TMPRSS11D: variants seen among roughly 807,000 people sequenced by gnomAD.
The protein encoded by TMPRSS11D is transmembrane protease serine 11D.
A neutral mutation model predicts 44.4 loss-of-function variants in TMPRSS11D; 32 were observed. That is an observed-to-expected ratio of 0.72 (90% confidence interval 0.54 to 0.97). The LOEUF is 0.97. Ranked by LOEUF, TMPRSS11D falls within the 50% of genes least tolerant of loss-of-function variation. TMPRSS11D has a pLI of 0.00. For missense variants in TMPRSS11D, 446 were observed against 502.6 expected (o/e 0.89, Z 1.08); for synonymous variants, 179 against 177.9 (o/e 1.01, Z -0.05).
At chr4:67,842,093 G>A (rs1718244896) in intron 4 of TMPRSS11D, among the ~76,000 whole-genome samples, 1 of 152,104 alleles carries the variant, frequency 6.6e-6, no homozygotes, top group Non-Finnish European at 1.5e-5. Flanking sequence ...TGATAGACAT[G>A]CCTTGGATTT....
intron 7 of TMPRSS11D, among the ~76,000 whole-genome samples, chr4:67,832,837 A>T (rs1313854161): frequency 6.6e-6 from 1 of 151,942 alleles, no homozygotes; most frequent in East Asian, 1.9e-4. Context: ...ACATTAGTGT[A>T]CTCAATGCTA....
At chr4:67,862,197 G>A (rs1203550165) in intron 1 of TMPRSS11D, among the ~76,000 whole-genome samples, 1 of 152,040 alleles carries the variant, frequency 6.6e-6, no homozygotes, top group Non-Finnish European at 1.5e-5. Context: ...AAGCCTATCT[G>A]CCAGGCATTG....
intron 5 of TMPRSS11D, among the ~76,000 whole-genome samples, chr4:67,836,342 A>G (rs898250077): frequency 2.6e-5 from 4 of 152,110 alleles, no homozygotes; most frequent in South Asian, 4.1e-4. Flanking sequence ...CTTGATTGAA[A>G]TTTTTAATTG....
At chr4:67,849,233 G>T (rs1285279943) in intron 3 of TMPRSS11D, among the ~76,000 whole-genome samples, 1 of 152,192 alleles carries the variant, frequency 6.6e-6, no homozygotes, top group Admixed American at 6.5e-5. Flanking sequence ...TTGGTGGAAA[G>T]CTAGGATGGT....
chr4:67,856,496 A>C (rs1394936529), intron 2 of TMPRSS11D, among the ~76,000 whole-genome samples: 1 of 152,192 alleles, frequency 6.6e-6, no homozygotes, highest in Non-Finnish European at 1.5e-5. Context: ...TGTATTAAAG[A>C]CTTAAATGTA....
chr4:67,841,399 C>G (rs911141079), intron 4 of TMPRSS11D, among the ~76,000 whole-genome samples: 7 of 152,108 alleles, frequency 4.6e-5, no homozygotes, highest in Non-Finnish European at 1.0e-4. Flanking sequence ...CCATGCAAAC[C>G]AAGGGATAGT....
At chr4:67,878,601 CAATGAATG>C (rs534436150) in intron 1 of TMPRSS11D, among the ~76,000 whole-genome samples, 1 of 152,074 alleles carries the variant, frequency 6.6e-6, no homozygotes, top group Non-Finnish European at 1.5e-5. Flanking sequence ...ATTAGACACT[CAATGAATG>C]AATGAATGAA....
At chr4:67,825,056 T>G (rs2109655476) in intron 9 of TMPRSS11D, among the ~76,000 whole-genome samples, 1 of 152,226 alleles carries the variant, frequency 6.6e-6, no homozygotes, top group African/African-American at 2.4e-5. Context: ...TTAAAAATTA[T>G]GGGCTAGATC....
chr4:67,883,798 GA>G (rs1719384455), intron 1 of TMPRSS11D, 127 bp downstream of exon 1: 1 of 637,852 alleles, frequency 1.6e-6, no homozygotes, highest in Non-Finnish European at 2.6e-6. Flanking sequence ...GAGTTTCGAT[GA>G]AGTTTTCAGA....
chr4:67,875,779 A>G lies in TMPRSS11D; in HGVS notation c.8+8147T>C, dbSNP rs79379357. Reference sequence around the variant, plus strand: ...GAGTCCAGTGAATTAAAAACTTGTTAACACAACTCAAATAATGTCTGGCAT... The same window carrying G: ...GAGTCCAGTGAATTAAAAACTTGTTGACACAACTCAAATAATGTCTGGCAT... On this transcript the variant is annotated intron_variant, in intron 1 of 9. Transcript: ENST00000283916. Among the ~76,000 whole-genome samples, 304 of 152,358 alleles carry G rather than the reference A, an allele frequency of 2.0e-3. 2 individuals carry two copies. The highest frequency in any genetic ancestry group is 6.8e-3 in the African/African-American group (283 of 41,586).
chr4:67,835,544 T>G (rs1718059981), intron 5 of TMPRSS11D, among the ~76,000 whole-genome samples: 1 of 152,168 alleles, frequency 6.6e-6, no homozygotes, highest in East Asian at 1.9e-4. Flanking sequence ...TACCACTCTA[T>G]AATAAGTGCT....
chr4:67,867,082 T>C (rs976750697), intron 1 of TMPRSS11D, among the ~76,000 whole-genome samples: 1 of 152,092 alleles, frequency 6.6e-6, no homozygotes, highest in Non-Finnish European at 1.5e-5. Flanking sequence ...CTTCAAATTA[T>C]ACTACAAAGC....
At chr4:67,870,853 T>C (rs1332526085) in intron 1 of TMPRSS11D, among the ~76,000 whole-genome samples, 1 of 152,020 alleles carries the variant, frequency 6.6e-6, no homozygotes, top group Non-Finnish European at 1.5e-5. Context: ...CTCTCTGCTT[T>C]ATTATTATTT....
intron 2 of TMPRSS11D, 28 bp from the exon 3 acceptor site, chr4:67,854,214 G>A: frequency 8.6e-7 from 1 of 1,163,168 alleles, no homozygotes; most frequent in Non-Finnish European, 1.3e-6. Flanking sequence ...GGGAAGGTCA[G>A]TCTTACTTTA....
chr4:67,858,191 C>T (rs918327779), intron 2 of TMPRSS11D, among the ~76,000 whole-genome samples: 11 of 152,070 alleles, frequency 7.2e-5, no homozygotes, highest in African/African-American at 2.2e-4. Flanking sequence ...GCATTACTTA[C>T]GCAGACAAAT....
At chr4:67,843,095 A>G (rs1478174701) in intron 3 of TMPRSS11D, among the ~76,000 whole-genome samples, 1 of 141,520 alleles carries the variant, frequency 7.1e-6, no homozygotes, top group Non-Finnish European at 1.5e-5. Context: ...GAAGGAAGCA[A>G]AGGGCAGTCT....
intron 1 of TMPRSS11D, among the ~76,000 whole-genome samples, chr4:67,867,246 T>C (rs1170995110): frequency 6.6e-6 from 1 of 152,026 alleles, no homozygotes; most frequent in Non-Finnish European, 1.5e-5. Context: ...ACACCCCATT[T>C]AATAAATGGT....
intron 3 of TMPRSS11D, among the ~76,000 whole-genome samples, chr4:67,849,375 G>T (rs541157227): frequency 1.3e-5 from 2 of 152,144 alleles, no homozygotes; most frequent in Non-Finnish European, 2.9e-5. Context: ...AATCATTGGC[G>T]TATAAATACA....
intron 7 of TMPRSS11D, among the ~76,000 whole-genome samples, chr4:67,830,116 A>G (rs1359071180): frequency 6.6e-6 from 1 of 152,130 alleles, no homozygotes; most frequent in Non-Finnish European, 1.5e-5. Flanking sequence ...GCATCAGATG[A>G]AAATTCCAAG....
Sources: gnomAD v4.1 joint callset for allele counts (sites outside exome capture counted in the v4.1 genomes callset) on GRCh38, gnomAD v4.1.1 for gene constraint, MANE v1.5 for transcripts, NCBI Gene and HGNC (gene_info 2026-07-23, HGNC 2026-07-21) for gene names.